Variants in PPP6R3 observed in about 807,000 individuals in gnomAD.
PPP6R3 encodes the protein serine/threonine-protein phosphatase 6 regulatory subunit 3.
Under a neutral mutation model 110.7 loss-of-function variants are expected in PPP6R3, and 38 were observed. The observed-to-expected ratio is 0.34, with a 90% confidence interval of 0.26 to 0.45. PPP6R3 has a LOEUF of 0.45. Ranked by LOEUF, PPP6R3 falls within the 20% of genes least tolerant of loss-of-function variation. The pLI is 1.00. For synonymous variants in PPP6R3, 369 were observed against 373.5 expected, an observed-to-expected ratio of 0.99 and a Z score of 0.14; for missense variants, 870 against 1,062.4, an observed-to-expected ratio of 0.82 and a Z score of 2.52.
At position 68,551,196 on chromosome 11, in the gene PPP6R3, C is replaced by G; in HGVS notation, c.618+10C>G. On this transcript the variant is annotated intron_variant, in intron 6 of 23. Transcript: ENST00000393800. Reference sequence around the variant, plus strand: ...ATCGCAAGAAGAAGATGTAAGTTCACTTGTGTGACTGTAAACTTGATTAGA... The same window carrying G: ...ATCGCAAGAAGAAGATGTAAGTTCAGTTGTGTGACTGTAAACTTGATTAGA... The G allele has an allele frequency of 1.3e-6, 2 of 1,594,324 alleles. No homozygotes were observed. Among genetic ancestry groups the G allele is most frequent in the Non-Finnish European group, 1.7e-6 (2 of 1,166,128 alleles).
At chr11:68,594,233 A>G (rs994960657) in intron 18 of PPP6R3, among the ~76,000 whole-genome samples, 2 of 151,568 alleles carry the variant, frequency 1.3e-5, no homozygotes, top group Admixed American at 1.3e-4. Flanking sequence ...TTCTAGCCTA[A>G]GCGATATAGA....
intron 21 of PPP6R3, 137 bp from the exon 22 acceptor site, chr11:68,603,205 C>G (rs1004879090): frequency 2.1e-5 from 24 of 1,133,432 alleles, no homozygotes; most frequent in Non-Finnish European, 2.7e-5. Flanking sequence ...GCCCAGACAA[C>G]AGCAGGCAGA....
At chr11:68,557,513 C>T (rs1009582848) in intron 7 of PPP6R3, among the ~76,000 whole-genome samples, 1 of 151,458 alleles carries the variant, frequency 6.6e-6, no homozygotes, top group Non-Finnish European at 1.5e-5. Context: ...TTTTCTTTTT[C>T]TTTTTTTTCT....
At chr11:68,612,173 C>T (rs552803254) in intron 23 of PPP6R3, among the ~76,000 whole-genome samples, 1 of 152,230 alleles carries the variant, frequency 6.6e-6, no homozygotes, top group Admixed American at 6.5e-5. Flanking sequence ...AGTTATATAC[C>T]AGTTATGTCT....
chr11:68,467,194 A>T (rs964224808), intron 1 of PPP6R3, among the ~76,000 whole-genome samples: 1 of 152,242 alleles, frequency 6.6e-6, no homozygotes, highest in African/African-American at 2.4e-5. Flanking sequence ...TATGCAATTA[A>T]AGTTCGATAG....
chr11:68,464,826 C>T (rs114635848), intron 1 of PPP6R3, among the ~76,000 whole-genome samples: 49 of 151,460 alleles, frequency 3.2e-4, no homozygotes, highest in African/African-American at 1.2e-3. Flanking sequence ...GAGTTAGTAT[C>T]TTTTGCCCTC....
chr11:68,517,338 A>C (rs1258095558), intron 1 of PPP6R3, among the ~76,000 whole-genome samples: 1 of 152,142 alleles, frequency 6.6e-6, no homozygotes, highest in East Asian at 1.9e-4. Flanking sequence ...GTTGGAGCAT[A>C]TGAAATTGAC....
In PPP6R3 at chr11:68,571,729, C is replaced by T. The variant is rs151085487; in HGVS notation, c.1343+625C>T. On this transcript the variant is annotated intron_variant, in intron 12 of 23. Transcript: ENST00000393800. The stretch of plus-strand genomic sequence containing the variant: ...ATTCTGAAGCATGGTGGCATAAGGG[C>T]GTGTTTGGGAAACACTCTGAAGGCA... 5.2e-3 allele frequency among the ~76,000 whole-genome samples: 786 copies of T among 152,120 alleles called. 4 individuals are homozygous for T. Among genetic ancestry groups the T allele is most frequent in the Non-Finnish European group, 7.6e-3 (515 of 67,986 alleles).
At chr11:68,603,545 G>C in intron 22 of PPP6R3, 53 bp downstream of exon 22, 1 of 1,606,082 alleles carries the variant, frequency 6.2e-7, no homozygotes, top group Non-Finnish European at 8.5e-7. Flanking sequence ...GAGGATGGTG[G>C]GGCAGAAACC....
At chr11:68,480,869 T>G (rs1472963818) in intron 1 of PPP6R3, among the ~76,000 whole-genome samples, 1 of 152,222 alleles carries the variant, frequency 6.6e-6, no homozygotes, top group East Asian at 1.9e-4. Context: ...TTTCAGGAAT[T>G]TCTTAGAGAT....
chr11:68,547,098 T>A (rs942611419), intron 4 of PPP6R3, among the ~76,000 whole-genome samples: 1 of 152,212 alleles, frequency 6.6e-6, no homozygotes. Flanking sequence ...GCTATTAGAC[T>A]TCATGTGGCA....
At chr11:68,554,027 C>A (rs2099390478) in intron 6 of PPP6R3, 118 bp from the exon 7 acceptor site, 2 of 739,466 alleles carry the variant, frequency 2.7e-6, no homozygotes, top group Non-Finnish European at 4.3e-6. Flanking sequence ...CTTTTGCGCA[C>A]TGAAGCTTAT....
chr11:68,562,460 A>C (rs374008793), intron 8 of PPP6R3, among the ~76,000 whole-genome samples: 1 of 152,240 alleles, frequency 6.6e-6, no homozygotes, highest in Non-Finnish European at 1.5e-5. Flanking sequence ...CACAAGAATC[A>C]AAGTACAGTA....
chr11:68,612,994 G>A lies in PPP6R3; in HGVS notation c.2571-72G>A, dbSNP rs1377043495. On this transcript the variant is annotated intron_variant, in intron 23 of 23. Transcript: ENST00000393800. ...AATAAGTTGTCCCTGCCCTTGGGGAGCTCAGCTAAGTAGGTTTTGTTTTTC... is the reference window on the plus strand; with the variant it reads ...AATAAGTTGTCCCTGCCCTTGGGGAACTCAGCTAAGTAGGTTTTGTTTTTC... The A allele has an allele frequency of 3.1e-6, 5 of 1,610,516 alleles. No homozygotes were observed. In the South Asian group the frequency reaches 5.5e-5, roughly 18 times the overall value.
At position 68,579,655 on chromosome 11, in the gene PPP6R3, C is replaced by A. The variant is rs112030537; in HGVS notation, c.1546-3388C>A. 3.9e-5 allele frequency among the ~76,000 whole-genome samples: 6 copies of A among 152,338 alleles called. 1 individual carries two copies. Among genetic ancestry groups the A allele is most frequent in the African/African-American group, 1.4e-4 (6 of 41,582 alleles). On this transcript the variant is annotated intron_variant, in intron 14 of 23. Coordinates refer to ENST00000393800, the MANE Select transcript of PPP6R3 (RefSeq NM_001164161.2). ...CAAATGAGTAAGAGACACGTGTGCACACACAATATGTGTAATATACAGTCA... is the reference window on the plus strand; with the variant it reads ...CAAATGAGTAAGAGACACGTGTGCAAACACAATATGTGTAATATACAGTCA...
chr11:68,604,287 A>G (rs1040840999), intron 22 of PPP6R3, among the ~76,000 whole-genome samples: 66 of 152,390 alleles, frequency 4.3e-4, no homozygotes, highest in African/African-American at 1.5e-3. Flanking sequence ...CACAATGTAA[A>G]CACCAGTGTG....
intron 13 of PPP6R3, among the ~76,000 whole-genome samples, chr11:68,574,682 T>C (rs2099523487): frequency 6.6e-6 from 1 of 152,218 alleles, no homozygotes; most frequent in South Asian, 2.1e-4. Context: ...TCGCTGTCAC[T>C]AAAATGAGGG....
chr11:68,551,187 G>GT lies in PPP6R3; in HGVS notation c.618+2dup. The GT allele has an allele frequency of 6.2e-7, 1 of 1,605,960 alleles. No individual in the cohort carries two copies. The highest frequency in any genetic ancestry group is 8.5e-7 in the Non-Finnish European group (1 of 1,174,488). On this transcript the variant is annotated splice_donor_variant, in intron 6 of 23. Transcript: ENST00000393800. LOFTEE classifies it high-confidence loss of function. ...AGTTCATCCATCGCAAGAAGAAGAT[G>GT]TAAGTTCACTTGTGTGACTGTAAAC...
At chr11:68,518,301 G>A (rs1022954057) in intron 1 of PPP6R3, among the ~76,000 whole-genome samples, 2 of 152,156 alleles carry the variant, frequency 1.3e-5, no homozygotes, top group African/African-American at 4.8e-5. Context: ...ACATCATCTT[G>A]TCTCTTTCTG....
Sources: allele counts gnomAD v4.1 joint callset (sites outside exome capture counted in the v4.1 genomes callset), GRCh38; gene constraint gnomAD v4.1.1; transcripts MANE v1.5; gene names NCBI Gene and HGNC (gene_info 2026-07-23, HGNC 2026-07-21).